The following RAI2 variants were observed in gnomAD, a reference collection of about 807,000 sequenced individuals.
RAI2 encodes the protein retinoic acid induced 2.
A neutral mutation model predicts 15.3 loss-of-function variants in RAI2; 5 were observed. The observed-to-expected ratio is 0.33, with a 90% confidence interval of 0.17 to 0.69. The LOEUF is 0.69. Among genes scored for constraint, RAI2 ranks in the 30% least tolerant of loss-of-function variants. The probability of loss-of-function intolerance (pLI) is 0.69; values close to 1 mark genes in which losing one functional copy is unlikely to be tolerated. For synonymous variants in RAI2, 191 were observed against 184.0 expected (o/e 1.04, Z -0.31); for missense variants, 424 against 424.7 (o/e 1.00, Z 0.01).
At chrX:17,852,704 A>AAC (rs1315242404) in intron 1 of RAI2, among the ~76,000 whole-genome samples, 1 of 112,263 alleles carries the variant, frequency 8.9e-6, no homozygotes, top group Non-Finnish European at 1.9e-5. Context: ...TCCTGGTGGC[A>AAC]ACATTTCATC....
In RAI2 at chrX:17,861,159, C is replaced by CG. The variant is rs2067686087; in HGVS notation, c.-87dup. On this transcript the variant is annotated 5_prime_UTR_variant, in exon 1 of 2. Transcript: ENST00000451717. ...GGTGGTCGAGTGTGCTGGAACTCTCCGGTCTGGCCTCGCCGCCGGCCGCCT... is the reference window on the plus strand; with the variant it reads ...GGTGGTCGAGTGTGCTGGAACTCTCCGGGTCTGGCCTCGCCGCCGGCCGCCT... The CG allele has an allele frequency of 9.2e-6, 1 of 108,527 alleles. No homozygotes were observed. The highest frequency in any genetic ancestry group is 3.3e-5 in the African/African-American group (1 of 29,888). 8.9% of individuals were successfully genotyped at this position (108,527 alleles called of 1,213,427 possible). A position where few individuals can be genotyped will look rare whatever the true frequency, so the allele number is the denominator to read the frequency against.
intron 1 of RAI2, among the ~76,000 whole-genome samples, chrX:17,835,266 G>T (rs2067321785): frequency 8.9e-6 from 1 of 112,484 alleles, no homozygotes; most frequent in Non-Finnish European, 1.9e-5. Flanking sequence ...AAAACGATTA[G>T]AAAATGTGTG....
chrX:17,816,416 T>C (rs1227040357), intron 1 of RAI2, among the ~76,000 whole-genome samples: 1 of 112,082 alleles, frequency 8.9e-6, no homozygotes, highest in Non-Finnish European at 1.9e-5. Context: ...AGGTTCCTGG[T>C]TGCGTGCAGA....
intron 1 of RAI2, among the ~76,000 whole-genome samples, chrX:17,816,142 T>C (rs1289065335): frequency 3.8e-5 from 4 of 106,253 alleles, no homozygotes; most frequent in Non-Finnish European, 7.7e-5. Context: ...GCATTTACCA[T>C]GCTCCCCACT....
At chrX:17,803,534 A>AAAAG (rs1569341917) in intron 1 of RAI2, among the ~76,000 whole-genome samples, 163 of 111,294 alleles carry the variant, frequency 1.5e-3, no homozygotes, top group African/African-American at 5.0e-3. Context: ...CCTTTAAAAA[A>AAAAG]AAAAGAAAAG....
intron 1 of RAI2, among the ~76,000 whole-genome samples, chrX:17,809,155 G>A (rs919128562): frequency 1.8e-5 from 2 of 111,892 alleles, no homozygotes; most frequent in East Asian, 2.8e-4. Context: ...CCTTATGGTC[G>A]ACTGCCTTTT....
At chrX:17,846,996 C>T (rs1441739388) in intron 1 of RAI2, among the ~76,000 whole-genome samples, 1 of 111,941 alleles carries the variant, frequency 8.9e-6, no homozygotes, top group African/African-American at 3.2e-5. Context: ...CCTGCACAAG[C>T]TCTCTCTTGC....
intron 1 of RAI2, chrX:17,837,760 T>A (rs2067351585): frequency 8.9e-6 from 1 of 112,369 alleles, no homozygotes; most frequent in Non-Finnish European, 1.9e-5. Flanking sequence ...GTTTTGTTAT[T>A]GTTGTTGTTT....
At chrX:17,834,563 C>T (rs943977248) in intron 1 of RAI2, among the ~76,000 whole-genome samples, 1 of 109,829 alleles carries the variant, frequency 9.1e-6, no homozygotes, top group Non-Finnish European at 1.9e-5. Flanking sequence ...AATTTGACAA[C>T]GTCTAGGTCT....
At chrX:17,816,718 G>A (rs138194500) in intron 1 of RAI2, among the ~76,000 whole-genome samples, 87 of 111,899 alleles carry the variant, frequency 7.8e-4, no homozygotes, top group African/African-American at 2.4e-3. Flanking sequence ...GTTCATTCCC[G>A]TGCTTCCCAG....
intron 1 of RAI2, among the ~76,000 whole-genome samples, chrX:17,820,733 G>GA (rs1273298585): frequency 9.0e-6 from 1 of 111,347 alleles, no homozygotes; most frequent in East Asian, 2.8e-4. Flanking sequence ...GCAAAATGGG[G>GA]AAAATGACAC....
At chrX:17,822,914 T>C (rs2067183588) in intron 1 of RAI2, among the ~76,000 whole-genome samples, 1 of 112,738 alleles carries the variant, frequency 8.9e-6, no homozygotes, top group Non-Finnish European at 1.9e-5. Flanking sequence ...CCTAAGCCAC[T>C]CTGCCACTGT....
At chrX:17,858,852 T>G (rs1249209592) in intron 1 of RAI2, among the ~76,000 whole-genome samples, 1 of 111,771 alleles carries the variant, frequency 8.9e-6, no homozygotes, top group African/African-American at 3.3e-5. Flanking sequence ...CTTTTTTTCA[T>G]CATAAAGGAA....
intron 1 of RAI2, among the ~76,000 whole-genome samples, chrX:17,843,262 G>A (rs1159943310): frequency 2.7e-5 from 3 of 111,659 alleles, no homozygotes; most frequent in East Asian, 2.8e-4. Context: ...GCTGTGTTGC[G>A]ACAGTGCTCC....
intron 1 of RAI2, among the ~76,000 whole-genome samples, chrX:17,857,723 C>A (rs1254334447): frequency 1.8e-5 from 2 of 111,485 alleles, no homozygotes; most frequent in African/African-American, 6.5e-5. Context: ...TGATCTACAG[C>A]CCCCTCCCCA....
intron 1 of RAI2, among the ~76,000 whole-genome samples, chrX:17,807,295 C>T (rs1220431486): frequency 8.9e-6 from 1 of 111,754 alleles, no homozygotes; most frequent in Non-Finnish European, 1.9e-5. Flanking sequence ...CTGCCCAGCC[C>T]ATACTGGGAT....
intron 1 of RAI2, among the ~76,000 whole-genome samples, chrX:17,842,959 C>T (rs2067416357): frequency 8.9e-6 from 1 of 111,880 alleles, no homozygotes; most frequent in South Asian, 3.7e-4. Flanking sequence ...CCTATAGTAA[C>T]ACCCAATGAT....
chrX:17,827,917 T>G (rs877766), intron 1 of RAI2, among the ~76,000 whole-genome samples: 272 of 111,270 alleles, frequency 2.4e-3, no homozygotes, highest in Middle Eastern at 0.014. Context: ...GATCTCTTTT[T>G]CCCTTCATGT....
At chrX:17,832,587 T>C (rs1034216451) in intron 1 of RAI2, among the ~76,000 whole-genome samples, 19 of 112,158 alleles carry the variant, frequency 1.7e-4, no homozygotes, top group African/African-American at 4.2e-4. Context: ...GGTGTCAGAA[T>C]GATCAGGAGA....
Sources: gnomAD v4.1 joint callset for allele counts (sites outside exome capture counted in the v4.1 genomes callset) on GRCh38, gnomAD v4.1.1 for gene constraint, MANE v1.5 for transcripts, NCBI Gene and HGNC (gene_info 2026-07-23, HGNC 2026-07-21) for gene names.